DCAKD: variants seen among roughly 807,000 people sequenced by gnomAD.
DCAKD encodes the protein dephospho-CoA kinase domain-containing protein.
DCAKD carries 15 observed loss-of-function variants against 18.7 expected under a neutral mutation model. That is an observed-to-expected ratio of 0.80 (90% CI 0.54 to 1.24). DCAKD has a LOEUF of 1.24. DCAKD is among the 50% of genes most tolerant of loss of function. DCAKD has a pLI of 0.00. For missense variants in DCAKD, 301 were observed against 322.0 expected, an observed-to-expected ratio of 0.93 and a Z score of 0.50; for synonymous variants, 130 against 133.0, an observed-to-expected ratio of 0.98 and a Z score of 0.16.
intron 1 of DCAKD, among the ~76,000 whole-genome samples, chr17:45,037,535 T>C (rs2053330033): frequency 6.6e-6 from 1 of 151,532 alleles, no homozygotes; most frequent in Non-Finnish European, 1.5e-5. Flanking sequence ...CTCAGCTCAC[T>C]GCAACCTCCG....
chr17:45,041,486 A>AT (rs1358157165), intron 1 of DCAKD, among the ~76,000 whole-genome samples: 1 of 151,670 alleles, frequency 6.6e-6, no homozygotes, highest in African/African-American at 2.4e-5. Flanking sequence ...AATTTTTTGT[A>AT]TTTTTAGTAG....
chr17:45,023,601 G>GT lies in DCAKD; in HGVS notation c.*831dup, dbSNP rs1214557898. The GT allele has an allele frequency of 3.3e-5, 2 of 60,332 alleles. No homozygotes were observed. The highest frequency in any genetic ancestry group is 7.0e-4 in the South Asian group (1 of 1,434). 3.7% of individuals were successfully genotyped at this position (60,332 alleles called of 1,614,324 possible). A position where few individuals can be genotyped will look rare whatever the true frequency, so the allele number is the denominator to read the frequency against. On this transcript the variant is annotated 3_prime_UTR_variant, in exon 5 of 5. Coordinates refer to ENST00000651974, the MANE Select transcript of DCAKD (RefSeq NM_001288655.2). ...TGCCTGAACTGAGAGCTAGTTGTAG[G>GT]TTAAAAAAAAAAAAAAAAAAAAAAA...
chr17:45,034,379 C>T lies in DCAKD; in HGVS notation c.124G>A (p.Gly42Arg), dbSNP rs764031953. The T allele has an allele frequency of 7.4e-6, 12 of 1,613,640 alleles. No homozygotes were observed. Among genetic ancestry groups the T allele is most frequent in the African/African-American group, 2.7e-5 (2 of 74,894 alleles). ...DVMARHVVQP[G>R]YPAHRRIVEV... ...ACGATGCGCCGGTGGGCAGGGTATC[C>T]TGGCTGCACGACTGTGGCAGGAGGA... The change falls in exon 3 of 5, where the codon GGA becomes AGA. Residue 42 changes from glycine (G) to arginine (R), a missense_variant. Physicochemically the swap from Gly to Arg is moderately radical, Grantham distance 125 (BLOSUM62 -2). Coordinates refer to ENST00000651974, the MANE Select transcript of DCAKD (RefSeq NM_001288655.2).
intron 4 of DCAKD, 123 bp downstream of exon 4, chr17:45,029,969 C>G: frequency 1.2e-6 from 1 of 858,056 alleles, no homozygotes; most frequent in Non-Finnish European, 2.0e-6. Flanking sequence ...CTGAGCACTG[C>G]TGCCCAAACC....
At chr17:45,050,347 A>C (rs4793173) in intron 1 of DCAKD, among the ~76,000 whole-genome samples, 100,938 of 152,042 alleles carry the variant, frequency 0.66, 34,211 homozygotes, top group African/African-American at 0.78. Flanking sequence ...CCCGGCCCAG[A>C]GGGTAATTTT....
chr17:45,051,480 C>T lies in DCAKD; in HGVS notation c.-234G>A, dbSNP rs1327572554. On this transcript the variant is annotated 5_prime_UTR_variant, in exon 1 of 5. Coordinates refer to ENST00000651974, the MANE Select transcript of DCAKD (RefSeq NM_001288655.2). Reference sequence around the variant, plus strand: ...CCGGGGCGGTGGCAGCCCCGCGTAGCAGCCGCGGCCAGGGCCCGCCCCCTC... The same window carrying T: ...CCGGGGCGGTGGCAGCCCCGCGTAGTAGCCGCGGCCAGGGCCCGCCCCCTC... The T allele has an allele frequency of 6.6e-6, 1 of 151,918 alleles. No homozygotes were observed. Among genetic ancestry groups the T allele is most frequent in the Non-Finnish European group, 1.5e-5 (1 of 67,960 alleles). 9.4% of individuals were successfully genotyped at this position (151,918 alleles called of 1,614,324 possible).
chr17:45,042,621 C>G (rs1452776555), intron 1 of DCAKD, among the ~76,000 whole-genome samples: 1 of 152,198 alleles, frequency 6.6e-6, no homozygotes, highest in Non-Finnish European at 1.5e-5. Context: ...CCTTGGGACC[C>G]AATTATTTCT....
chr17:45,030,074 G>T lies in DCAKD; in HGVS notation c.404+18C>A. 1 of 1,598,428 alleles carries T rather than the reference G, an allele frequency of 6.3e-7. No individual in the cohort carries two copies. Among genetic ancestry groups the T allele is most frequent in the South Asian group, 1.1e-5 (1 of 90,718 alleles). On this transcript the variant is annotated intron_variant, in intron 4 of 4. Transcript: ENST00000651974. The stretch of plus-strand genomic sequence containing the variant: ...CCCCATGGTCCTCCCTTCCAGCCAG[G>T]GCATGCTACACACTCACCAGTATAC...
At chr17:45,041,504 G>A (rs2053436622) in intron 1 of DCAKD, among the ~76,000 whole-genome samples, 1 of 151,954 alleles carries the variant, frequency 6.6e-6, no homozygotes, top group Non-Finnish European at 1.5e-5. Flanking sequence ...TAGAGACGGG[G>A]TTTCACCATG....
intron 3 of DCAKD, chr17:45,031,193 C>CA (rs2053164897): frequency 1.0e-6 from 1 of 985,242 alleles, no homozygotes; most frequent in Non-Finnish European, 1.2e-6. Context: ...CCAAGGGTGT[C>CA]ACGGGAAACT....
At chr17:45,054,543 T>G (rs2053760054), upstream of DCAKD, among the ~76,000 whole-genome samples, 1 of 152,156 alleles carries the variant, frequency 6.6e-6, no homozygotes, top group South Asian at 2.1e-4. Flanking sequence ...CCACCACACC[T>G]GGCTGACAGT....
At chr17:45,039,070 T>C (rs2053370047) in intron 1 of DCAKD, among the ~76,000 whole-genome samples, 1 of 152,236 alleles carries the variant, frequency 6.6e-6, no homozygotes, top group Non-Finnish European at 1.5e-5. Context: ...CAGGTGGTGC[T>C]GGCCCTGGGC....
At chr17:45,053,691 A>G (rs2053751170), upstream of DCAKD, among the ~76,000 whole-genome samples, 1 of 152,178 alleles carries the variant, frequency 6.6e-6, no homozygotes, top group Admixed American at 6.5e-5. Context: ...AAGTGCTAGG[A>G]TTACAGGCGT....
chr17:45,031,252 C>T (rs1405202364), intron 3 of DCAKD: 1 of 985,174 alleles, frequency 1.0e-6, no homozygotes, highest in Non-Finnish European at 1.2e-6. Flanking sequence ...GTGGCAATCT[C>T]AGCTGCTTGG....
At position 45,034,182 on chromosome 17, in the gene DCAKD, C is replaced by G. The variant is rs777684072; in HGVS notation, c.316+5G>C. 6 of 1,594,792 alleles carry G rather than the reference C, an allele frequency of 3.8e-6. No individual in the cohort carries two copies. The highest frequency in any genetic ancestry group is 5.2e-6 in the Non-Finnish European group (6 of 1,163,008). Reference sequence around the variant, plus strand: ...CCGCCCCCCGCCCCAGGCCCTGGCACTTACCCCGGAGGAAGTACTTGAACG... The same window carrying G: ...CCGCCCCCCGCCCCAGGCCCTGGCAGTTACCCCGGAGGAAGTACTTGAACG... On this transcript the variant is annotated splice_donor_5th_base_variant and intron_variant, in intron 3 of 4. Transcript: ENST00000651974.
At chr17:45,033,690 C>T (rs2053222475) in intron 3 of DCAKD, among the ~76,000 whole-genome samples, 1 of 152,154 alleles carries the variant, frequency 6.6e-6, no homozygotes, top group African/African-American at 2.4e-5. Flanking sequence ...GTCTCAAACT[C>T]CTGACCTCAA....
chr17:45,057,359 C>G (rs1250888415), intron 1 of DCAKD, among the ~76,000 whole-genome samples: 4 of 151,022 alleles, frequency 2.6e-5, no homozygotes, highest in Non-Finnish European at 5.9e-5. Flanking sequence ...CTGCATAACT[C>G]CATAAGGCAG....
At position 45,034,319 on chromosome 17, in the gene DCAKD, C is replaced by T. The variant is rs764385345; in HGVS notation, c.184G>A (p.Gly62Ser). The T allele has an allele frequency of 1.4e-5, 22 of 1,613,988 alleles. No individual in the cohort carries two copies. The highest frequency in any genetic ancestry group is 3.3e-5 in the South Asian group (3 of 91,086). ...VFGTEVLLENGDINRKVLGDL... is the reference protein window; with the variant it reads ...VFGTEVLLENSDINRKVLGDL... ...CCCAGGACCTTGCGATTTATGTCGC[C>T]GTTCTCCAGCAAGACCTCAGTGCCG... Residue 62 changes from glycine to serine, a missense_variant, in exon 3 of 5, where the codon GGC (glycine) becomes AGC (serine). Physicochemically the swap from Gly to Ser is moderately conservative, Grantham distance 56. Transcript: ENST00000651974.
intron 1 of DCAKD, among the ~76,000 whole-genome samples, chr17:45,043,641 T>C (rs1597971034): frequency 6.6e-6 from 1 of 152,250 alleles, no homozygotes; most frequent in East Asian, 1.9e-4. Flanking sequence ...AGAGCTGTCC[T>C]GCTGCCACTG....
Sources: gnomAD v4.1 joint callset for allele counts (sites outside exome capture counted in the v4.1 genomes callset) on GRCh38, gnomAD v4.1.1 for gene constraint, MANE v1.5 for transcripts, NCBI Gene and HGNC (gene_info 2026-07-23, HGNC 2026-07-21) for gene names.